ASPH: variants seen among roughly 807,000 people sequenced by gnomAD.
ASPH encodes the protein aspartate beta-hydroxylase, also known as aspartyl/asparaginyl beta-hydroxylase.
A neutral mutation model predicts 118.4 loss-of-function variants in ASPH; 100 were observed. That is an observed-to-expected ratio of 0.84 (90% CI 0.72 to 1.00). The LOEUF (loss-of-function observed/expected upper bound fraction) is 1.00, where lower values mean the gene tolerates loss of function less well. Among genes scored for constraint, ASPH ranks in the 50% least tolerant of loss-of-function variants. The pLI is 0.00. For synonymous variants in ASPH, 315 were observed against 325.6 expected (o/e 0.97, Z 0.35); for missense variants, 920 against 919.5 (o/e 1.00, Z -0.01).
chr8:61,599,145 G>C (rs1377252523), intron 14 of ASPH, among the ~76,000 whole-genome samples: 2 of 151,862 alleles, frequency 1.3e-5, no homozygotes, highest in African/African-American at 4.8e-5. Context: ...ATAAAGATCA[G>C]AGAAAAACTA....
chr8:61,648,834 C>T (rs966468139), intron 5 of ASPH, among the ~76,000 whole-genome samples: 3 of 151,866 alleles, frequency 2.0e-5, no homozygotes, highest in Non-Finnish European at 2.9e-5. Flanking sequence ...ATGGCAGATA[C>T]AGGACCTGAA....
At chr8:61,535,748 G>C (rs1011830633) in intron 21 of ASPH, among the ~76,000 whole-genome samples, 3 of 152,126 alleles carry the variant, frequency 2.0e-5, no homozygotes, top group African/African-American at 7.2e-5. Context: ...TTAAATTTTA[G>C]TCAAAACATG....
chr8:61,560,730 G>T (rs1213329510), intron 18 of ASPH, among the ~76,000 whole-genome samples: 1 of 152,058 alleles, frequency 6.6e-6, no homozygotes, highest in Non-Finnish European at 1.5e-5. Context: ...TATTTTTCGG[G>T]ATGAAGTAAA....
At chr8:61,576,610 C>A in intron 16 of ASPH, 162 bp downstream of exon 16, 1 of 549,372 alleles carries the variant, frequency 1.8e-6, no homozygotes, top group Non-Finnish European at 3.1e-6. Flanking sequence ...CTAAATTCAG[C>A]AGCATGCAAT....
At position 61,681,024 on chromosome 8, in the gene ASPH, A is replaced by G; in HGVS notation, c.266T>C (p.Ile89Thr). ...ATCTCCATCACCATCAGCATCATAGATTCCTAGTTTTCCTATAATAGGGCA... is the reference window on the plus strand; with the variant it reads ...ATCTCCATCACCATCAGCATCATAGGTTCCTAGTTTTCCTATAATAGGGCA... ...DYEEVLGKLG[I>T]YDADGDGDFD... is the part of the protein sequence containing the mutation. Residue 89 changes from isoleucine (I) to threonine (T), a missense_variant, in exon 3 of 25, where the codon ATC becomes ACC. Transcript: ENST00000379454. The G allele has an allele frequency of 6.3e-7, 1 of 1,599,216 alleles. No homozygotes were observed.
Position 61,557,344 on chromosome 8 carries a change from C to G in ASPH, c.1438-1322G>C, listed in dbSNP as rs185252388. 4.5e-3 allele frequency among the ~76,000 whole-genome samples: 690 copies of G among 152,250 alleles called. 2 individuals carry two copies. Among genetic ancestry groups the G allele is most frequent in the African/African-American group, 0.016 (669 of 41,552 alleles). On this transcript the variant is annotated intron_variant, in intron 18 of 24. Coordinates refer to ENST00000379454, the MANE Select transcript of ASPH (RefSeq NM_004318.4). ...CCTCTCCTGCCCCTGCCCCTCCCAG[C>G]CAAGCCTCTGAGGCATGTTGGACTT...
chr8:61,567,962 G>A (rs1832301190), intron 16 of ASPH, among the ~76,000 whole-genome samples: 1 of 152,166 alleles, frequency 6.6e-6, no homozygotes. Context: ...GATACCTTGG[G>A]GAGTAGCATT....
intron 15 of ASPH, chr8:61,578,624 C>T: frequency 6.4e-7 from 1 of 1,559,806 alleles, no homozygotes; most frequent in Non-Finnish European, 8.8e-7. Flanking sequence ...CTCGGAGCAA[C>T]ATGGACAACA....
chr8:61,676,155 C>T (rs565740264), intron 3 of ASPH: 32 of 1,599,398 alleles, frequency 2.0e-5, no homozygotes, highest in African/African-American at 6.7e-5. Context: ...ACACCATCTG[C>T]GGTTTCGCTT....
chr8:61,572,365 G>T (rs930738730), intron 16 of ASPH, among the ~76,000 whole-genome samples: 3 of 152,138 alleles, frequency 2.0e-5, no homozygotes, highest in East Asian at 1.9e-4. Context: ...TCCTGCCCTG[G>T]CTTTTCCTCC....
At chr8:61,610,670 G>T (rs1847030534) in intron 14 of ASPH, among the ~76,000 whole-genome samples, 1 of 152,172 alleles carries the variant, frequency 6.6e-6, no homozygotes, top group Admixed American at 6.5e-5. Flanking sequence ...CCTTGAGTTG[G>T]TTTATTATGC....
chr8:61,652,000 T>C (rs892102502), intron 4 of ASPH, among the ~76,000 whole-genome samples: 14 of 152,190 alleles, frequency 9.2e-5, no homozygotes, highest in Admixed American at 5.2e-4. Context: ...TGACAAAAAA[T>C]AGAAAGTTAA....
intron 14 of ASPH, among the ~76,000 whole-genome samples, chr8:61,617,501 G>A (rs1005710496): frequency 2.6e-5 from 4 of 152,152 alleles, no homozygotes; most frequent in Admixed American, 6.5e-5. Context: ...GTAAGGCAGC[G>A]GAGAGCTTGT....
intron 3 of ASPH, chr8:61,657,082 T>C (rs982483874): frequency 6.6e-6 from 1 of 152,042 alleles, no homozygotes; most frequent in Non-Finnish European, 1.5e-5. Context: ...TTAGAGTATA[T>C]TGGATGGGGA....
At chr8:61,514,791 C>A (rs1160707530) in intron 24 of ASPH, among the ~76,000 whole-genome samples, 1 of 152,066 alleles carries the variant, frequency 6.6e-6, no homozygotes, top group African/African-American at 2.4e-5. Flanking sequence ...GTCTTGAACT[C>A]CTGGCCTCAA....
chr8:61,576,637 C>A, intron 16 of ASPH, 135 bp downstream of exon 16: 1 of 664,428 alleles, frequency 1.5e-6, no homozygotes, highest in Non-Finnish European at 2.4e-6. Context: ...AATTGTATTT[C>A]TTGCTTATGC....
chr8:61,579,046 C>G (rs1836427585), intron 15 of ASPH: 1 of 1,610,646 alleles, frequency 6.2e-7, no homozygotes. Context: ...CAAAGACGGG[C>G]TGAGGCTGAG....
intron 14 of ASPH, among the ~76,000 whole-genome samples, chr8:61,588,361 A>T (rs184960631): frequency 2.0e-5 from 3 of 152,248 alleles, no homozygotes; most frequent in African/African-American, 4.8e-5. Context: ...GGAGGAAAAC[A>T]CTAGTGATGC....
At chr8:61,522,298 C>CTGCTTG (rs1563684360) in intron 22 of ASPH, among the ~76,000 whole-genome samples, 1 of 152,158 alleles carries the variant, frequency 6.6e-6, no homozygotes, top group Non-Finnish European at 1.5e-5. Context: ...GCAAATACCA[C>CTGCTTG]AGACTGAGTG....
Sources: allele counts gnomAD v4.1 joint callset (sites outside exome capture counted in the v4.1 genomes callset), GRCh38; gene constraint gnomAD v4.1.1; transcripts MANE v1.5; gene names NCBI Gene and HGNC (gene_info 2026-07-23, HGNC 2026-07-21).